Variants in PACRG observed in about 807,000 individuals in gnomAD.
PACRG encodes parkin coregulated.
PACRG carries 29 observed loss-of-function variants against 29.7 expected under a neutral mutation model. That is an observed-to-expected ratio of 0.98 (90% CI 0.73 to 1.33). The LOEUF is 1.33. Among genes scored for constraint, PACRG ranks in the 40% most tolerant of loss-of-function variants. The probability of loss-of-function intolerance (pLI) is 0.00; values close to 1 mark genes in which losing one functional copy is unlikely to be tolerated. For synonymous variants in PACRG, 116 were observed against 118.7 expected, an observed-to-expected ratio of 0.98 and a Z score of 0.15; for missense variants, 279 against 316.2, an observed-to-expected ratio of 0.88 and a Z score of 0.89.
At chr6:163,085,410 A>T (rs964648257) in intron 3 of PACRG, among the ~76,000 whole-genome samples, 3 of 152,174 alleles carry the variant, frequency 2.0e-5, no homozygotes, top group African/African-American at 7.2e-5. Flanking sequence ...TTTGGTTGAT[A>T]AGGCAAGGTG....
At chr6:162,867,892 C>A (rs1007510034) in intron 2 of PACRG, among the ~76,000 whole-genome samples, 1 of 151,992 alleles carries the variant, frequency 6.6e-6, no homozygotes, top group Admixed American at 6.6e-5. Flanking sequence ...TGGTTTAATT[C>A]TTTTCTCTAT....
rs531356479 is a variant in PACRG, at chr6:163,224,368, CAAAAAAAAAAAA to C, written c.614-90444_614-90433del. ...TGGGCAACAGAGTGAGACTCCATCTCAAAAAAAAAAAAAAAAAAAAAAAAAAGAACAAAGCTG... is the reference window on the plus strand; with the variant it reads ...TGGGCAACAGAGTGAGACTCCATCTCAAAAAAAAAAAAAAGAACAAAGCTG... On this transcript the variant is annotated intron_variant, in intron 4 of 4. Transcript: ENST00000366888. Among the ~76,000 whole-genome samples, 332 of 47,286 alleles carry C rather than the reference CAAAAAAAAAAAA, an allele frequency of 7.0e-3. 5 individuals carry two copies. The highest frequency in any genetic ancestry group is 0.02 in the African/African-American group (317 of 15,842). 31.0% of individuals were successfully genotyped at this position (47,286 alleles called of 152,430 possible). A position where few individuals can be genotyped will look rare whatever the true frequency, so the allele number is the denominator to read the frequency against.
At chr6:163,178,301 C>T (rs1779483838) in intron 4 of PACRG, among the ~76,000 whole-genome samples, 1 of 152,226 alleles carries the variant, frequency 6.6e-6, no homozygotes, top group Admixed American at 6.5e-5. Context: ...GCCACCCTCA[C>T]AGCTCGGCGT....
intron 4 of PACRG, among the ~76,000 whole-genome samples, chr6:163,106,760 T>C (rs1562919515): frequency 6.6e-6 from 1 of 152,220 alleles, no homozygotes. Context: ...ATGGAGTTCT[T>C]CATGCACAAT....
chr6:163,156,475 G>A (rs2747689), intron 4 of PACRG, among the ~76,000 whole-genome samples: 3 of 151,656 alleles, frequency 2.0e-5, no homozygotes, highest in Non-Finnish European at 4.4e-5. Context: ...CCCTACGACC[G>A]CCACGCCCCA....
intron 4 of PACRG, among the ~76,000 whole-genome samples, chr6:163,119,302 G>A (rs554056295): frequency 7.9e-5 from 12 of 152,316 alleles, no homozygotes; most frequent in South Asian, 4.1e-4. Flanking sequence ...CCATGTTCTC[G>A]TCTGTGAAAC....
intron 2 of PACRG, among the ~76,000 whole-genome samples, chr6:162,896,090 G>A (rs1206925877): frequency 6.6e-6 from 1 of 152,142 alleles, no homozygotes; most frequent in East Asian, 1.9e-4. Context: ...CCATGAAGCC[G>A]AAAGGATCAC....
At chr6:163,269,593 C>A (rs552855163) in intron 4 of PACRG, among the ~76,000 whole-genome samples, 35 of 151,992 alleles carry the variant, frequency 2.3e-4, no homozygotes, top group African/African-American at 8.2e-4. Flanking sequence ...TTCTTGTGAG[C>A]AAAAAACTCA....
chr6:163,196,198 A>C (rs572079444), intron 4 of PACRG, among the ~76,000 whole-genome samples: 13 of 152,364 alleles, frequency 8.5e-5, no homozygotes, highest in Non-Finnish European at 1.8e-4. Flanking sequence ...CGTGCCCTGC[A>C]CATGATAAGC....
At chr6:162,847,269 A>G (rs1030552648) in intron 2 of PACRG, among the ~76,000 whole-genome samples, 7 of 152,108 alleles carry the variant, frequency 4.6e-5, no homozygotes, top group Admixed American at 2.0e-4. Flanking sequence ...CTCTTCATCA[A>G]AGTCATTTAC....
At chr6:163,116,848 C>T (rs562033420) in intron 4 of PACRG, among the ~76,000 whole-genome samples, 21 of 152,104 alleles carry the variant, frequency 1.4e-4, no homozygotes, top group South Asian at 2.1e-4. Context: ...ATGGTGATGC[C>T]GTTTTCAGCA....
At chr6:162,801,486 A>C (rs1386546558) in intron 1 of PACRG, among the ~76,000 whole-genome samples, 2 of 152,214 alleles carry the variant, frequency 1.3e-5, no homozygotes, top group Non-Finnish European at 2.9e-5. Context: ...AAAATGCATC[A>C]TAAGTTATTT....
chr6:162,976,305 G>T (rs2128165986), intron 2 of PACRG, among the ~76,000 whole-genome samples: 1 of 152,318 alleles, frequency 6.6e-6, no homozygotes, highest in Non-Finnish European at 1.5e-5. Context: ...TCAAAGAGTG[G>T]ACTGCAGCTG....
intron 4 of PACRG, among the ~76,000 whole-genome samples, chr6:163,312,026 G>C (rs1011147701): frequency 2.6e-5 from 4 of 152,170 alleles, no homozygotes; most frequent in Non-Finnish European, 5.9e-5. Context: ...AGTGACTAAT[G>C]TATGTATCTT....
chr6:162,782,928 A>G (rs950678880), intron 1 of PACRG, among the ~76,000 whole-genome samples: 7 of 151,960 alleles, frequency 4.6e-5, no homozygotes, highest in African/African-American at 1.7e-4. Context: ...TCTCAATTTT[A>G]TAGTTGAGGA....
chr6:162,915,068 A>G (rs899737888), intron 2 of PACRG, among the ~76,000 whole-genome samples: 2 of 151,986 alleles, frequency 1.3e-5, no homozygotes, highest in African/African-American at 4.8e-5. Context: ...TTGATGAAAG[A>G]GTGAATCTTC....
chr6:162,767,522 T>G (rs1032610636), intron 1 of PACRG, among the ~76,000 whole-genome samples: 5 of 71,878 alleles, frequency 7.0e-5, no homozygotes, highest in Non-Finnish European at 1.2e-4. Flanking sequence ...TTTCATATCC[T>G]TAGGTGTTTT....
At chr6:162,845,670 C>T (rs59281374) in intron 2 of PACRG, among the ~76,000 whole-genome samples, 278 of 152,288 alleles carry the variant, frequency 1.8e-3, no homozygotes, top group African/African-American at 6.2e-3. Flanking sequence ...TGCCAGTTCT[C>T]CTGCTCAGAA....
chr6:163,152,464 G>A (rs1778137022), intron 4 of PACRG, among the ~76,000 whole-genome samples: 1 of 152,098 alleles, frequency 6.6e-6, no homozygotes, highest in African/African-American at 2.4e-5. Flanking sequence ...TATCTCCCTT[G>A]ACTAATTTAA....
Sources: gnomAD v4.1 joint callset for allele counts (sites outside exome capture counted in the v4.1 genomes callset) on GRCh38, gnomAD v4.1.1 for gene constraint, MANE v1.5 for transcripts, NCBI Gene and HGNC (gene_info 2026-07-23, HGNC 2026-07-21) for gene names.